NFE2L2: variants seen among roughly 807,000 people sequenced by gnomAD.
NFE2L2 encodes the protein nuclear factor erythroid 2-related factor 2.
In NFE2L2, 20 loss-of-function variants were observed where a neutral mutation model predicts 49.6. The observed-to-expected ratio is 0.40, with a 90% CI of 0.28 to 0.59. The LOEUF is 0.59. NFE2L2 is among the 20% of genes least tolerant of loss of function. NFE2L2 has a pLI of 0.40. For synonymous variants in NFE2L2, 244 were observed against 256.5 expected (o/e 0.95, Z 0.47); for missense variants, 578 against 714.2 (o/e 0.81, Z 2.17).
intron 1 of NFE2L2, among the ~76,000 whole-genome samples, chr2:177,237,874 A>G (rs981611200): frequency 1.3e-5 from 2 of 152,170 alleles, no homozygotes; most frequent in African/African-American, 4.8e-5. Context: ...CAGTAAATCT[A>G]GATACATAGC....
intron 1 of NFE2L2, among the ~76,000 whole-genome samples, chr2:177,251,103 T>C (rs1690322986): frequency 6.6e-6 from 1 of 152,212 alleles, no homozygotes; most frequent in South Asian, 2.1e-4. Context: ...TGTTTATGTA[T>C]CAGCTGTGCA....
Position 177,232,592 on chromosome 2 carries a change from G to T in NFE2L2, c.403-9C>A. 6.2e-7 allele frequency: 1 copy of T among 1,613,100 alleles called. No individual in the cohort carries two copies. The highest frequency in any genetic ancestry group is 8.5e-7 in the Non-Finnish European group (1 of 1,179,254). On this transcript the variant is annotated splice_polypyrimidine_tract_variant and intron_variant, in intron 3 of 4. Transcript: ENST00000397062. ...AACGTAGCCGAAGAAACCTAAAATT[G>T]ATAAGGCATTGATTTATGAGTCTTC...
intron 1 of NFE2L2, among the ~76,000 whole-genome samples, chr2:177,248,254 C>A (rs1178003238): frequency 2.0e-5 from 3 of 152,214 alleles, no homozygotes; most frequent in Non-Finnish European, 2.9e-5. Flanking sequence ...GCTAGACTTT[C>A]CTACTGCAAT....
intron 1 of NFE2L2, among the ~76,000 whole-genome samples, chr2:177,254,177 C>T (rs959447485): frequency 1.3e-5 from 2 of 152,094 alleles, no homozygotes; most frequent in Admixed American, 6.5e-5. Context: ...GCTGTAGGTC[C>T]GAGAAATGGC....
At chr2:177,232,983 A>G (rs1316459188) in intron 3 of NFE2L2, 4 of 500,340 alleles carry the variant, frequency 8.0e-6, no homozygotes, top group Non-Finnish European at 1.4e-5. Flanking sequence ...ATTTGTTTCC[A>G]TGGTTATGCT....
chr2:177,245,423 A>G (rs2105474401), intron 1 of NFE2L2, among the ~76,000 whole-genome samples: 1 of 152,308 alleles, frequency 6.6e-6, no homozygotes, highest in East Asian at 1.9e-4. Flanking sequence ...GGCAGAGGGA[A>G]AAGATCTTTG....
At chr2:177,252,728 G>A (rs1014395810) in intron 1 of NFE2L2, among the ~76,000 whole-genome samples, 1 of 152,138 alleles carries the variant, frequency 6.6e-6, no homozygotes, top group Non-Finnish European at 1.5e-5. Flanking sequence ...TAAAAACGGA[G>A]GCTCTAAAAA....
chr2:177,234,727 G>A (rs936914899), intron 1 of NFE2L2, among the ~76,000 whole-genome samples: 3 of 152,140 alleles, frequency 2.0e-5, no homozygotes, highest in African/African-American at 7.2e-5. Context: ...TTTATAGAGG[G>A]ATAACTCTCA....
intron 1 of NFE2L2, among the ~76,000 whole-genome samples, chr2:177,237,679 C>T (rs549725100): frequency 2.0e-5 from 3 of 152,228 alleles, no homozygotes; most frequent in African/African-American, 7.2e-5. Flanking sequence ...CCACCATGCC[C>T]GGCTAATTTT....
chr2:177,234,102 G>A lies in NFE2L2; in HGVS notation c.215C>T (p.Ala72Val), dbSNP rs2105458690. 1 of 1,614,158 alleles carries A rather than the reference G, an allele frequency of 6.2e-7. No individual in the cohort carries two copies. Among genetic ancestry groups the A allele is most frequent in the Non-Finnish European group, 8.5e-7 (1 of 1,180,024 alleles). Residue 72 changes from alanine to valine, a missense_variant, in exon 2 of 5, where the codon GCT (alanine) becomes GTT (valine). By Grantham distance (64) the Ala-to-Val change is moderately conservative. Around this residue, in one of 3 missense-constraint regions of NFE2L2, gnomAD observed 93 missense variants for 153.9 expected, o/e 0.60. Coordinates refer to ENST00000397062, the MANE Select transcript of NFE2L2 (RefSeq NM_006164.5). ...LQKEQEKAFFAQLQLDEETGE... is the reference protein window; with the variant it reads ...LQKEQEKAFFVQLQLDEETGE... ...TGTCTCTTCATCTAGTTGTAACTGA[G>A]CGAAAAAGGCTTTCTCTTGCTCCTT...
At chr2:177,252,198 C>A (rs1054568939) in intron 1 of NFE2L2, among the ~76,000 whole-genome samples, 1 of 152,230 alleles carries the variant, frequency 6.6e-6, no homozygotes, top group Middle Eastern at 3.4e-3. Flanking sequence ...AATCTAATGA[C>A]ATAACCTCTC....
At chr2:177,264,265 G>A (rs1690857419) in intron 1 of NFE2L2, 1 of 400,556 alleles carries the variant, frequency 2.5e-6, no homozygotes, top group Non-Finnish European at 4.5e-6. Context: ...CAAGGCCCAC[G>A]CGAGCGGGCT....
At chr2:177,249,375 G>A (rs2105479826) in intron 1 of NFE2L2, among the ~76,000 whole-genome samples, 1 of 152,290 alleles carries the variant, frequency 6.6e-6, no homozygotes, top group African/African-American at 2.4e-5. Context: ...CCATCTGGGA[G>A]GAGGTCAGTC....
rs368680070 is a variant in NFE2L2 at position 177,233,269 on chromosome 2, G to A, written c.383C>T (p.Pro128Leu). Residue 128 changes from proline (P) to leucine (L), a missense_variant, in exon 3 of 5, where the codon CCG becomes CTG. Coordinates refer to ENST00000397062, the MANE Select transcript of NFE2L2 (RefSeq NM_006164.5). Reference sequence around the variant, plus strand: ...CCTCACCTCATTGTCATCTACAAACGGGAATGTCTGCGCCAAAAGCTGCAT... The same window carrying A: ...CCTCACCTCATTGTCATCTACAAACAGGAATGTCTGCGCCAAAAGCTGCAT... ...DCMQLLAQTF[P>L]FVDDNEVSSA... is the part of the protein sequence containing the mutation. The A allele has an allele frequency of 1.1e-5, 17 of 1,595,596 alleles. No homozygotes were observed. Among genetic ancestry groups the A allele is most frequent in the African/African-American group, 8.2e-5 (6 of 73,524 alleles).
chr2:177,230,967 T>A lies in NFE2L2; in HGVS notation c.1636A>T (p.Asn546Tyr), dbSNP rs778477145. Residue 546 changes from asparagine (N) to tyrosine (Y), a missense_variant, in exon 5 of 5, where the codon AAT becomes TAT. Transcript: ENST00000397062. ...TTCAGTAGGTGAAGGCTTTTGTCATTTTCTCCTTTTTCTTTGAGCAATTTT... is the reference window on the plus strand; with the variant it reads ...TTCAGTAGGTGAAGGCTTTTGTCATATTCTCCTTTTTCTTTGAGCAATTTT... ...KEKLLKEKGE[N>Y]DKSLHLLKKQ... is the part of the protein sequence containing the mutation. 2.5e-6 allele frequency: 4 copies of A among 1,609,590 alleles called. No homozygotes were observed. In the Admixed American group the frequency reaches 6.8e-5, roughly 27 times the overall value.
At chr2:177,234,973 G>A (rs747722401) in intron 1 of NFE2L2, among the ~76,000 whole-genome samples, 1 of 151,890 alleles carries the variant, frequency 6.6e-6, no homozygotes, top group African/African-American at 2.4e-5. Flanking sequence ...AAAATCAGCC[G>A]GGTGTGGTGG....
intron 1 of NFE2L2, 23 bp downstream of exon 1, chr2:177,264,509 G>A (rs749249570): frequency 2.0e-6 from 3 of 1,522,138 alleles, no homozygotes; most frequent in Non-Finnish European, 2.6e-6. Flanking sequence ...ACCACCGCAG[G>A]GCCCAGAGGG....
chr2:177,263,572 C>T (rs1219147859), intron 1 of NFE2L2: 5 of 985,386 alleles, frequency 5.1e-6, no homozygotes, highest in Non-Finnish European at 6.0e-6. Context: ...CGCTATAAAG[C>T]AGGAAAGGGC....
rs1258205977 is a variant in NFE2L2 at position 177,230,793 on chromosome 2, T to G, written c.1810A>C (p.Lys604Gln). The G allele has an allele frequency of 6.3e-7, 1 of 1,578,656 alleles. No homozygotes were observed. The change falls in exon 5 of 5, where the codon AAA (lysine) becomes CAA (glutamine). Residue 604 changes from lysine (K) to glutamine (Q), a missense_variant. By Grantham distance (53) the Lys-to-Gln change is moderately conservative (BLOSUM62 1). Transcript: ENST00000397062. ...VPKSKKPDVK[K>Q]N is the part of the protein sequence containing the mutation. The stretch of plus-strand genomic sequence containing the variant: ...GTCAAATCCTCCTAAATCTAGTTTT[T>G]CTTAACATCTGGCTTCTTACTTTTG...
Sources: gnomAD v4.1 joint callset for allele counts (sites outside exome capture counted in the v4.1 genomes callset) on GRCh38, gnomAD v4.1.1 for gene constraint, gnomAD v4.1.1 regional missense constraint, MANE v1.5 for transcripts, NCBI Gene and HGNC (gene_info 2026-07-23, HGNC 2026-07-21) for gene names.